PDCD11: variants seen among roughly 807,000 people sequenced by gnomAD.
PDCD11 encodes the protein programmed cell death 11.
A neutral mutation model predicts 198.9 loss-of-function variants in PDCD11; 97 were observed. The observed-to-expected ratio is 0.49, with a 90% CI of 0.41 to 0.58. The LOEUF (loss-of-function observed/expected upper bound fraction) is 0.58, where lower values mean the gene tolerates loss of function less well. Ranked by LOEUF, PDCD11 falls within the 20% of genes least tolerant of loss-of-function variation. The pLI, the probability that PDCD11 is intolerant of heterozygous loss-of-function variation, is 0.00. For synonymous variants in PDCD11, 893 were observed against 918.0 expected (o/e 0.97, Z 0.49); for missense variants, 2,102 against 2,312.7 (o/e 0.91, Z 1.87).
intron 1 of PDCD11, among the ~76,000 whole-genome samples, chr10:103,397,699 G>A (rs1156262322): frequency 6.6e-6 from 1 of 152,270 alleles, no homozygotes; most frequent in Non-Finnish European, 1.5e-5. Context: ...CTCCCGAAGT[G>A]CTGGCATTAC....
In PDCD11 at chr10:103,413,127, C is replaced by T. The variant is rs946482142; in HGVS notation, c.990C>T (p.Cys330=). 2 of 1,614,022 alleles carry T rather than the reference C, an allele frequency of 1.2e-6. No homozygotes were observed. The highest frequency in any genetic ancestry group is 3.3e-5 in the Admixed American group (2 of 60,022). ...TTCCTTTTGTCTAGGTGAGGGCCTG[C>T]ATCCTTTGCGTCCATCCTCGAACCA... ...TYFSNQAVRA[C]ILCVHPRTRV... Residue 330 remains cysteine, a synonymous_variant, in exon 9 of 36, where the codon TGC becomes TGT. Transcript: ENST00000369797.
chr10:103,437,766 G>C (rs2032211087), intron 25 of PDCD11, among the ~76,000 whole-genome samples: 1 of 152,166 alleles, frequency 6.6e-6, no homozygotes, highest in Non-Finnish European at 1.5e-5. Context: ...GGGATTACAG[G>C]CGTGAGCCAC....
At chr10:103,440,683 C>T in intron 29 of PDCD11, 51 bp from the exon 30 acceptor site, 1 of 1,613,526 alleles carries the variant, frequency 6.2e-7, no homozygotes, top group Non-Finnish European at 8.5e-7. Context: ...GAGGGTGTCG[C>T]CTGGGGCTGC....
At chr10:103,397,319 A>G (rs758562012) in intron 1 of PDCD11, among the ~76,000 whole-genome samples, 2 of 149,614 alleles carry the variant, frequency 1.3e-5, no homozygotes, top group African/African-American at 2.5e-5. Flanking sequence ...TGTCCAATCT[A>G]TAGCCTGCAG....
chr10:103,441,794 G>A (rs2032394138), intron 30 of PDCD11, 32 bp from the exon 31 acceptor site: 2 of 1,605,244 alleles, frequency 1.2e-6, no homozygotes, highest in African/African-American at 1.3e-5. Context: ...CCTGAGCCAG[G>A]TGCTTTCTTT....
At chr10:103,418,274 G>A (rs74646973) in intron 14 of PDCD11, among the ~76,000 whole-genome samples, 166 bp from the exon 15 acceptor site, 3,830 of 152,246 alleles carry the variant, frequency 0.025, 72 homozygotes, top group Middle Eastern at 0.031. Context: ...GAATGTGCAC[G>A]TACATGCATG....
rs772288932 is a variant in PDCD11 at position 103,434,837 on chromosome 10, G to A, written c.3707G>A (p.Arg1236Gln). The change falls in exon 25 of 36, where the codon CGA (arginine) becomes CAA (glutamine). Residue 1236 changes from arginine (R) to glutamine (Q), a missense_variant. Arg to Gln is a conservative substitution (Grantham distance 43). Coordinates refer to ENST00000369797, the MANE Select transcript of PDCD11 (RefSeq NM_014976.2). ...KLEEGEVAMG[R>Q]VVKVTPNEGL... ...GAGGAAGGGGAAGTGGCCATGGGCCGAGTGGTGAAGGTGACTCCCAACGAG... is the reference window on the plus strand; with the variant it reads ...GAGGAAGGGGAAGTGGCCATGGGCCAAGTGGTGAAGGTGACTCCCAACGAG... 7.4e-6 allele frequency: 12 copies of A among 1,611,860 alleles called. No individual in the cohort carries two copies. Among genetic ancestry groups the A allele is most frequent in the African/African-American group, 1.3e-5 (1 of 74,676 alleles).
rs545622429 is a variant in PDCD11, at chr10:103,404,477, T to G, written c.403-545T>G. On this transcript the variant is annotated intron_variant, in intron 4 of 35. Coordinates refer to ENST00000369797, the MANE Select transcript of PDCD11 (RefSeq NM_014976.2). ...CCACACCCAGCTAATTTTTGTATTT[T>G]TAGTAGAGACAGGGTTTTACCATGT... Among the ~76,000 whole-genome samples, 188 of 152,130 alleles carry G rather than the reference T, an allele frequency of 1.2e-3. 1 individual carries two copies. Among genetic ancestry groups the G allele is most frequent in the Non-Finnish European group, 1.9e-3 (131 of 68,010 alleles).
At chr10:103,428,315 A>G (rs1453393532) in intron 21 of PDCD11, among the ~76,000 whole-genome samples, 1 of 151,804 alleles carries the variant, frequency 6.6e-6, no homozygotes, top group African/African-American at 2.4e-5. Context: ...AAAAGAAAAA[A>G]AAAAAACACA....
intron 22 of PDCD11, 100 bp from the exon 23 acceptor site, chr10:103,433,848 T>C (rs1030464662): frequency 1.9e-5 from 16 of 860,004 alleles, no homozygotes; most frequent in Non-Finnish European, 3.1e-5. Flanking sequence ...CTTGGAAAAG[T>C]GTACTGGGGC....
At chr10:103,445,008 A>C (rs1592145523) in intron 35 of PDCD11, among the ~76,000 whole-genome samples, 1 of 152,258 alleles carries the variant, frequency 6.6e-6, no homozygotes, top group Middle Eastern at 3.4e-3. Context: ...CAAGACAGGG[A>C]GGGTTTAGAG....
rs770373311 is a variant in PDCD11, at chr10:103,437,993, C to G, written c.3846-22C>G. 2.5e-6 allele frequency: 4 copies of G among 1,609,118 alleles called. No individual in the cohort carries two copies. The Admixed American group carries it at 6.7e-5, about 27-fold the overall frequency. On this transcript the variant is annotated intron_variant, in intron 25 of 35. Coordinates refer to ENST00000369797, the MANE Select transcript of PDCD11 (RefSeq NM_014976.2). ...ACAGATGCTGAAAATTGAGCGTTTC[C>G]TTCTCTTTTGCCTTCATTCAGATGT... is the stretch of plus-strand genomic sequence containing the variant.
Position 103,425,140 on chromosome 10 carries a change from C to A in PDCD11, c.2920C>A (p.Gln974Lys). The stretch of plus-strand genomic sequence containing the variant: ...TGACTCAGAGAAATTGCAGGTGGGA[C>A]AGGGTGTCTCCCTAACCCTCAAGAC... ...RFDSEKLQVG[Q>K]GVSLTLKTTE... The change falls in exon 20 of 36, where the codon CAG becomes AAG. Residue 974 changes from glutamine to lysine, a missense_variant. Transcript: ENST00000369797. 6.2e-7 allele frequency: 1 copy of A among 1,614,186 alleles called. No homozygotes were observed. Among genetic ancestry groups the A allele is most frequent in the Non-Finnish European group, 8.5e-7 (1 of 1,180,032 alleles).
intron 16 of PDCD11, among the ~76,000 whole-genome samples, chr10:103,420,089 C>T (rs1173553505): frequency 1.3e-5 from 2 of 151,740 alleles, no homozygotes; most frequent in Non-Finnish European, 2.9e-5. Flanking sequence ...TGAGCCACCG[C>T]ACCTGGCCAA....
chr10:103,400,317 G>A, intron 2 of PDCD11, 80 bp from the exon 3 acceptor site: 1 of 1,299,208 alleles, frequency 7.7e-7, no homozygotes, highest in Non-Finnish European at 1.0e-6. Context: ...CAAGGTGAGT[G>A]ATGACCTGAA....
rs2032429657 is a variant in PDCD11 at position 103,442,477 on chromosome 10, A to C, written c.4955+17A>C. ...CTCCTTCAGGTCTCAGCTTTGCCCC[A>C]GGGAGCACAGTGTCTTCGCACGTTC... On this transcript the variant is annotated intron_variant, in intron 32 of 35. Coordinates refer to ENST00000369797, the MANE Select transcript of PDCD11 (RefSeq NM_014976.2). 1.2e-6 allele frequency: 2 copies of C among 1,609,400 alleles called. No homozygotes were observed. The highest frequency in any genetic ancestry group is 1.3e-5 in the African/African-American group (1 of 74,976).
chr10:103,416,437 C>T (rs2031111161), intron 12 of PDCD11, 54 bp from the exon 13 acceptor site: 4 of 1,591,804 alleles, frequency 2.5e-6, no homozygotes, highest in Admixed American at 3.4e-5. Context: ...GAGACCAGCT[C>T]AGTGGCTCTC....
chr10:103,434,485 G>A lies in PDCD11; in HGVS notation c.3667+135G>A, dbSNP rs1375821967. 4.6e-6 allele frequency: 3 copies of A among 649,028 alleles called. No individual in the cohort carries two copies. The African/African-American group carries it at 5.5e-5, about 12-fold the overall frequency. 40.2% of individuals were successfully genotyped at this position (649,028 alleles called of 1,614,324 possible). A position where few individuals can be genotyped will look rare whatever the true frequency, so the allele number is the denominator to read the frequency against. On this transcript the variant is annotated intron_variant, in intron 24 of 35. Coordinates refer to ENST00000369797, the MANE Select transcript of PDCD11 (RefSeq NM_014976.2). ...AGAAAGCCTGGTGTGGGACCTTCTT[G>A]GAACAGTTTTTCTCTTGGGCTTTGC...
intron 2 of PDCD11, among the ~76,000 whole-genome samples, 169 bp from the exon 3 acceptor site, chr10:103,400,228 T>C (rs865970920): frequency 0.066 from 7,598 of 115,774 alleles, 266 homozygotes; most frequent in Middle Eastern, 0.13. Flanking sequence ...CCCCCCCCCT[T>C]TTTTTTTTTT....
Sources: gnomAD v4.1 joint callset for allele counts (sites outside exome capture counted in the v4.1 genomes callset) on GRCh38, gnomAD v4.1.1 for gene constraint, MANE v1.5 for transcripts, NCBI Gene and HGNC (gene_info 2026-07-23, HGNC 2026-07-21) for gene names.